Variants in CD1B observed in about 807,000 individuals in gnomAD.
CD1B encodes CD1b molecule.
Under a neutral mutation model 39.8 loss-of-function variants are expected in CD1B, and 43 were observed. The observed-to-expected ratio is 1.08, with a 90% CI of 0.85 to 1.39. The LOEUF is 1.39. CD1B is among the 40% of genes most tolerant of loss of function. The pLI, the probability that CD1B is intolerant of heterozygous loss-of-function variation, is 0.00. For missense variants in CD1B, 495 were observed against 403.8 expected (o/e 1.23, Z -1.94); for synonymous variants, 192 against 152.5 (o/e 1.26, Z -1.91).
chr1:158,299,489 T>C, the CD1B span, among the ~76,000 whole-genome samples: 1 of 152,218 alleles, frequency 6.6e-6, no homozygotes, highest in African/African-American at 2.4e-5. Context: ...ATCAGGATTA[T>C]GCTGGCCTCA....
the CD1B span, among the ~76,000 whole-genome samples, chr1:158,314,384 T>G: frequency 6.6e-6 from 1 of 152,256 alleles, no homozygotes; most frequent in African/African-American, 2.4e-5. Flanking sequence ...CCTGGCCAAG[T>G]GTTTTATATT....
At chr1:158,293,580 T>A in the CD1B span, 1 of 1,613,186 alleles carries the variant, frequency 6.2e-7, no homozygotes, top group Non-Finnish European at 8.5e-7. Context: ...AAATTGTTTC[T>A]CTTTCTGCAT....
chr1:158,296,133 C>T, the CD1B span, among the ~76,000 whole-genome samples: 14 of 152,022 alleles, frequency 9.2e-5, no homozygotes, highest in Admixed American at 7.9e-4. Flanking sequence ...TGAGAGCAGA[C>T]CCCCACCGCC....
At chr1:158,324,712 G>C (rs1237588973), downstream of CD1B, among the ~76,000 whole-genome samples, 2 of 152,080 alleles carry the variant, frequency 1.3e-5, no homozygotes, top group Non-Finnish European at 1.5e-5. Flanking sequence ...GATTAACCCA[G>C]TAATTTCCGT....
chr1:158,305,995 T>C, the CD1B span, among the ~76,000 whole-genome samples: 1 of 152,132 alleles, frequency 6.6e-6, no homozygotes, highest in Non-Finnish European at 1.5e-5. Flanking sequence ...TTGTAAAGAC[T>C]GTCGAGGCTA....
chr1:158,303,565 T>A, the CD1B span, among the ~76,000 whole-genome samples: 4 of 152,162 alleles, frequency 2.6e-5, no homozygotes, highest in African/African-American at 9.7e-5. Flanking sequence ...ATAAACAATT[T>A]TAGTTAATCT....
the CD1B span, chr1:158,293,371 CT>C: frequency 1.9e-6 from 3 of 1,594,116 alleles, no homozygotes; most frequent in South Asian, 3.3e-5. Context: ...ACTCTCTTAG[CT>C]TTTCTCTATT....
At chr1:158,320,314 T>A in the CD1B span, among the ~76,000 whole-genome samples, 1 of 152,214 alleles carries the variant, frequency 6.6e-6, no homozygotes, top group African/African-American at 2.4e-5. Flanking sequence ...AGCTAGACTC[T>A]GTGGGCGTAG....
At chr1:158,304,613 G>C in the CD1B span, among the ~76,000 whole-genome samples, 1 of 152,188 alleles carries the variant, frequency 6.6e-6, no homozygotes, top group Non-Finnish European at 1.5e-5. Flanking sequence ...CATGCAGCTG[G>C]AGATCTGAGA....
chr1:158,292,286 G>A, the CD1B span: 3 of 1,614,204 alleles, frequency 1.9e-6, no homozygotes, highest in Non-Finnish European at 2.5e-6. Context: ...CAGAAACAGT[G>A]TATAATCTCA....
chr1:158,295,966 GT>G, the CD1B span, among the ~76,000 whole-genome samples: 3 of 152,164 alleles, frequency 2.0e-5, no homozygotes, highest in Admixed American at 2.0e-4. Context: ...CTGCTGCACT[GT>G]CCCCACTAGC....
chr1:158,294,400 G>T, the CD1B span, among the ~76,000 whole-genome samples: 1 of 152,140 alleles, frequency 6.6e-6, no homozygotes, highest in Non-Finnish European at 1.5e-5. Context: ...ACTGGTGGTG[G>T]ATAAAACAAA....
chr1:158,307,756 T>G, the CD1B span, among the ~76,000 whole-genome samples: 4 of 148,710 alleles, frequency 2.7e-5, no homozygotes, highest in African/African-American at 9.7e-5. Context: ...GGGCTTCATC[T>G]TGAAAAGTCC....
chr1:158,299,325 T>G, the CD1B span, among the ~76,000 whole-genome samples: 1 of 152,324 alleles, frequency 6.6e-6, no homozygotes, highest in Non-Finnish European at 1.5e-5. Context: ...ATTTATTGAT[T>G]TGCATATGTT....
chr1:158,310,144 A>C, the CD1B span, among the ~76,000 whole-genome samples: 1 of 151,968 alleles, frequency 6.6e-6, no homozygotes, highest in African/African-American at 2.4e-5. Context: ...AACAGGTTAG[A>C]GAACCCAGAA....
chr1:158,292,718 G>A, the CD1B span: 9 of 1,614,092 alleles, frequency 5.6e-6, no homozygotes, highest in Admixed American at 1.7e-5. Context: ...GAATGAACAG[G>A]AGCAACTGGG....
At chr1:158,292,457 C>A in the CD1B span, 1 of 1,499,700 alleles carries the variant, frequency 6.7e-7, no homozygotes, top group Non-Finnish European at 9.0e-7. Flanking sequence ...AGAAAGAGGA[C>A]AAGAAGCAGG....
the CD1B span, among the ~76,000 whole-genome samples, chr1:158,312,482 T>A: frequency 4.6e-5 from 7 of 152,332 alleles, no homozygotes; most frequent in Non-Finnish European, 1.0e-4. Flanking sequence ...AGGACGAAAA[T>A]GAACTAGTAC....
chr1:158,313,008 T>C, the CD1B span, among the ~76,000 whole-genome samples: 355 of 152,330 alleles, frequency 2.3e-3, 2 homozygotes, highest in African/African-American at 7.8e-3. Flanking sequence ...TTTTATTGTG[T>C]TTAGGTACGT....
Sources: gnomAD v4.1 joint callset for allele counts (sites outside exome capture counted in the v4.1 genomes callset) on GRCh38, gnomAD v4.1.1 for gene constraint, MANE v1.5 for transcripts, NCBI Gene and HGNC (gene_info 2026-07-23, HGNC 2026-07-21) for gene names.